The following ZDHHC3 variants were observed in gnomAD, a reference collection of about 807,000 sequenced individuals.
The protein encoded by ZDHHC3 is palmitoyltransferase ZDHHC3.
A neutral mutation model predicts 30.6 loss-of-function variants in ZDHHC3; 9 were observed. The ratio of observed to expected loss-of-function variants is 0.29; its 90% confidence interval spans 0.18 to 0.51. The LOEUF (loss-of-function observed/expected upper bound fraction) is 0.51, where lower values mean the gene tolerates loss of function less well. ZDHHC3 is among the 20% of genes least tolerant of loss of function. ZDHHC3 has a pLI of 0.97. For missense variants in ZDHHC3, 246 were observed against 384.2 expected (o/e 0.64, Z 3.01); for synonymous variants, 136 against 140.2 (o/e 0.97, Z 0.21).
Position 44,917,153 on chromosome 3 carries a change from T to G in ZDHHC3, c.*9536A>C, listed in dbSNP as rs1048109858. On this transcript the variant is annotated 3_prime_UTR_variant, in exon 7 of 7. Transcript: ENST00000424952. ...GACAGCTCCCAGCTGTCTCGCTCAG[T>G]GAAGACTCCAGTGTCTGTGGAATGG... 2 of 152,424 alleles carry G rather than the reference T, an allele frequency of 1.3e-5. No individual in the cohort carries two copies. The highest frequency in any genetic ancestry group is 4.8e-5 in the African/African-American group (2 of 41,456). The allele number at this position is 152,424 out of a possible 1,614,324, so 9.4% of individuals were successfully genotyped here.
intron 3 of ZDHHC3, among the ~76,000 whole-genome samples, chr3:44,936,874 A>AC (rs1702005275): frequency 2.0e-4 from 29 of 144,328 alleles, no homozygotes; most frequent in South Asian, 7.1e-4. Flanking sequence ...TAAAAGTTAA[A>AC]ACCCCCCCCC....
At position 44,926,732 on chromosome 3, in the gene ZDHHC3, G is replaced by A. The variant is rs749694414; in HGVS notation, c.857C>T (p.Thr286Met). 11 of 1,613,258 alleles carry A rather than the reference G, an allele frequency of 6.8e-6. No homozygotes were observed. The highest frequency in any genetic ancestry group is 6.7e-5 in the Admixed American group (4 of 59,710). Residue 286 changes from threonine to methionine, a missense_variant, in exon 7 of 7, where the codon ACG becomes ATG. By Grantham distance (81) the Thr-to-Met change is moderately conservative. Coordinates refer to ENST00000424952, the MANE Select transcript of ZDHHC3 (RefSeq NM_001135179.2). Reference sequence around the variant, plus strand: ...CGGGTCTGCCTTCCCTTGGTCTGGCGTGGCAAAGGGGCTGGCCCAGCCTAG... The same window carrying A: ...CGGGTCTGCCTTCCCTTGGTCTGGCATGGCAAAGGGGCTGGCCCAGCCTAG... ...FSLGWASPFA[T>M]PDQGKADPYQ...
chr3:44,935,280 C>G (rs538286242), intron 3 of ZDHHC3, among the ~76,000 whole-genome samples: 1 of 152,266 alleles, frequency 6.6e-6, no homozygotes, highest in East Asian at 1.9e-4. Context: ...AATTACCTTT[C>G]TTTGTGTGTG....
In ZDHHC3 at chr3:44,918,605, T is replaced by C. The variant is rs987621620; in HGVS notation, c.*8084A>G. ...GGCTGCAAACACAGCAGAAGGACGA[T>C]GGGGTTAAGGAAGGAGTGCAGGACA... On this transcript the variant is annotated 3_prime_UTR_variant, in exon 7 of 7. Coordinates refer to ENST00000424952, the MANE Select transcript of ZDHHC3 (RefSeq NM_001135179.2). 6.1e-6 allele frequency: 6 copies of C among 985,122 alleles called. No individual in the cohort carries two copies. The highest frequency in any genetic ancestry group is 5.2e-5 in the African/African-American group (3 of 57,166). 61.0% of individuals were successfully genotyped at this position (985,122 alleles called of 1,614,324 possible).
At chr3:44,958,779 T>C (rs1212012984) in intron 2 of ZDHHC3, 11 of 1,074,722 alleles carry the variant, frequency 1.0e-5, no homozygotes, top group East Asian at 2.6e-5. Context: ...CCAGCATGCT[T>C]TCTGCTCTGA....
At position 44,922,309 on chromosome 3, in the gene ZDHHC3, C is replaced by G. The variant is rs1169971304; in HGVS notation, c.*4380G>C. ...TCTAGACTACTCACCGGCCGCCGCT[C>G]CCATCTGGAGGTCCCTTGGTTCTAC... On this transcript the variant is annotated 3_prime_UTR_variant, in exon 7 of 7. Coordinates refer to ENST00000424952, the MANE Select transcript of ZDHHC3 (RefSeq NM_001135179.2). The G allele has an allele frequency of 2.0e-6, 2 of 985,348 alleles. No individual in the cohort carries two copies. Among genetic ancestry groups the G allele is most frequent in the African/African-American group, 3.5e-5 (2 of 57,246 alleles). 61.0% of individuals were successfully genotyped at this position (985,348 alleles called of 1,614,324 possible).
rs998778508 is a variant in ZDHHC3, at chr3:44,959,842, G to A, written c.-24-382C>T. On this transcript the variant is annotated intron_variant, in intron 1 of 6. Transcript: ENST00000424952. The surrounding 1 kb of genome is among the most constrained non-coding windows in gnomAD (Gnocchi z 4.3). ...CACCGTCTTAGGTCAATGCAGCCTC[G>A]ACCTCCCACCTCGGGCTCAAGGGAT... Among the ~76,000 whole-genome samples, 3 of 152,082 alleles carry A rather than the reference G, an allele frequency of 2.0e-5. No individual in the cohort carries two copies. Among genetic ancestry groups the A allele is most frequent in the East Asian group, 1.9e-4 (1 of 5,194 alleles).
rs148085796 is a variant in ZDHHC3 at position 44,916,771 on chromosome 3, T to C, written c.*9918A>G. On this transcript the variant is annotated 3_prime_UTR_variant, in exon 7 of 7. Transcript: ENST00000424952. ...ACGCTGCTCAGACCTTCAGCAGTGG[T>C]CACAGACACCACAGGCTTCAAATGG... The C allele has an allele frequency of 6.6e-6, 1 of 152,292 alleles. No homozygotes were observed. The highest frequency in any genetic ancestry group is 1.5e-5 in the Non-Finnish European group (1 of 68,056). The allele number at this position is 152,292 out of a possible 1,614,324, so 9.4% of individuals were successfully genotyped here.
chr3:44,926,135 C>T lies in ZDHHC3; in HGVS notation c.*554G>A, dbSNP rs559740889. On this transcript the variant is annotated 3_prime_UTR_variant, in exon 7 of 7. Coordinates refer to ENST00000424952, the MANE Select transcript of ZDHHC3 (RefSeq NM_001135179.2). ...TTGCTTTGCGAGTTAGCAGGCAAAC[C>T]GTGTCCACTTGGGGGATGAGGTCGC... 1.1e-5 allele frequency: 11 copies of T among 985,746 alleles called. No individual in the cohort carries two copies. The highest frequency in any genetic ancestry group is 1.0e-4 in the African/African-American group (6 of 57,252). The allele number at this position is 985,746 out of a possible 1,614,324, so 61.1% of individuals were successfully genotyped here. A position where few individuals can be genotyped will look rare whatever the true frequency, so the allele number is the denominator to read the frequency against.
In ZDHHC3 at chr3:44,923,166, C is replaced by G. The variant is rs1449227708; in HGVS notation, c.*3523G>C. ...TCTTGGCTCACTGCAAGCTCCACTT[C>G]CCGGGTTCACGCCATTCTCCTGCCT... On this transcript the variant is annotated 3_prime_UTR_variant, in exon 7 of 7. Coordinates refer to ENST00000424952, the MANE Select transcript of ZDHHC3 (RefSeq NM_001135179.2). The G allele has an allele frequency of 1.1e-6, 1 of 899,402 alleles. No homozygotes were observed. The highest frequency in any genetic ancestry group is 1.8e-5 in the African/African-American group (1 of 55,174). The allele number at this position is 899,402 out of a possible 1,614,324, so 55.7% of individuals were successfully genotyped here.
At chr3:44,942,392 C>G (rs1010854311) in intron 3 of ZDHHC3, among the ~76,000 whole-genome samples, 1 of 152,236 alleles carries the variant, frequency 6.6e-6, no homozygotes, top group Non-Finnish European at 1.5e-5. Context: ...ACTCTACAGG[C>G]ATCCTCACTT....
At chr3:44,932,345 T>TGGG (rs1701567305) in intron 5 of ZDHHC3, among the ~76,000 whole-genome samples, 1 of 152,086 alleles carries the variant, frequency 6.6e-6, no homozygotes, top group African/African-American at 2.4e-5. Flanking sequence ...TCAGCATGTA[T>TGGG]AGGAAGAGCA....
intron 1 of ZDHHC3, chr3:44,969,578 A>G (rs978246965): frequency 1.3e-5 from 2 of 152,216 alleles, no homozygotes; most frequent in African/African-American, 4.8e-5. Context: ...AGGAGTATTG[A>G]TGTTTCCATC....
At chr3:44,961,407 A>C (rs1187148305) in intron 1 of ZDHHC3, among the ~76,000 whole-genome samples, 1 of 152,114 alleles carries the variant, frequency 6.6e-6, no homozygotes, top group Non-Finnish European at 1.5e-5. Context: ...AAATAAATAA[A>C]TAACCATTTC....
At position 44,919,287 on chromosome 3, in the gene ZDHHC3, C is replaced by T. The variant is rs747488597; in HGVS notation, c.*7402G>A. On this transcript the variant is annotated 3_prime_UTR_variant, in exon 7 of 7. Transcript: ENST00000424952. ...CCATATGCCTCCTGATACGGTGCAA[C>T]GAGGACACATTGCTTCAGCAGTGCT... is the stretch of plus-strand genomic sequence containing the variant. 3.5e-5 allele frequency: 7 copies of T among 202,448 alleles called. No individual in the cohort carries two copies. Among genetic ancestry groups the T allele is most frequent in the Admixed American group, 6.5e-5 (1 of 15,296 alleles). 12.5% of individuals were successfully genotyped at this position (202,448 alleles called of 1,614,324 possible). A position where few individuals can be genotyped will look rare whatever the true frequency, so the allele number is the denominator to read the frequency against.
intron 3 of ZDHHC3, among the ~76,000 whole-genome samples, chr3:44,935,746 C>T (rs1701906425): frequency 6.6e-6 from 1 of 152,158 alleles, no homozygotes; most frequent in East Asian, 1.9e-4. Flanking sequence ...CCTTTAAAAA[C>T]CTGCTTGTAA....
intron 3 of ZDHHC3, among the ~76,000 whole-genome samples, chr3:44,938,977 C>T (rs1419360898): frequency 6.6e-6 from 1 of 152,200 alleles, no homozygotes; most frequent in South Asian, 2.1e-4. Flanking sequence ...CCCTTCTGTA[C>T]AAAATAAGTT....
intron 2 of ZDHHC3, among the ~76,000 whole-genome samples, chr3:44,957,816 C>A (rs541414337): frequency 1.3e-4 from 20 of 152,352 alleles, no homozygotes; most frequent in Admixed American, 2.6e-4. Flanking sequence ...CATCACCTGT[C>A]TTTTCTAGAC....
chr3:44,976,057 A>C lies in ZDHHC3; in HGVS notation c.-149T>G. The C allele has an allele frequency of 2.5e-6, 1 of 403,510 alleles. No homozygotes were observed. Among genetic ancestry groups the C allele is most frequent in the Non-Finnish European group, 4.4e-6 (1 of 229,458 alleles). 25.0% of individuals were successfully genotyped at this position (403,510 alleles called of 1,614,324 possible). A position where few individuals can be genotyped will look rare whatever the true frequency, so the allele number is the denominator to read the frequency against. ...CGGGCTTCGGCGATGGCTCCTCGGAACGAGGCGCCGCGGCTCTCTGGACTC... is the reference window on the plus strand; with the variant it reads ...CGGGCTTCGGCGATGGCTCCTCGGACCGAGGCGCCGCGGCTCTCTGGACTC... On this transcript the variant is annotated 5_prime_UTR_variant, in exon 1 of 7. Coordinates refer to ENST00000424952, the MANE Select transcript of ZDHHC3 (RefSeq NM_001135179.2).
Sources: gnomAD v4.1 joint callset for allele counts (sites outside exome capture counted in the v4.1 genomes callset) on GRCh38, gnomAD v4.1.1 for gene constraint, Gnocchi (gnomAD v3.1) non-coding constraint, MANE v1.5 for transcripts, NCBI Gene and HGNC (gene_info 2026-07-23, HGNC 2026-07-21) for gene names.